Variants in CFAP47 observed in about 807,000 individuals in gnomAD.
CFAP47 encodes cilia and flagella associated protein 47.
CFAP47 carries 29 observed loss-of-function variants against 148.1 expected under a neutral mutation model. The observed-to-expected ratio is 0.20, with a 90% CI of 0.15 to 0.27. The LOEUF is 0.27. Among genes scored for constraint, CFAP47 ranks in the 10% least tolerant of loss-of-function variants. The pLI is 1.00. For synonymous variants in CFAP47, 664 were observed against 577.3 expected, an observed-to-expected ratio of 1.15 and a Z score of -2.15; for missense variants, 1,872 against 1,697.5, an observed-to-expected ratio of 1.10 and a Z score of -1.81.
At chrX:36,273,964 A>G (rs1208530628) in intron 49 of CFAP47, among the ~76,000 whole-genome samples, 1 of 111,954 alleles carries the variant, frequency 8.9e-6, no homozygotes, top group Non-Finnish European at 1.9e-5. Flanking sequence ...GCATACTTCT[A>G]AGATATATTG....
chrX:35,945,981 T>A (rs2146637296), intron 3 of CFAP47, among the ~76,000 whole-genome samples: 1 of 107,799 alleles, frequency 9.3e-6, no homozygotes, highest in African/African-American at 3.4e-5. Flanking sequence ...CAACCGATTT[T>A]CCTGCTTCAG....
At chrX:36,354,181 A>G (rs782788341) in intron 60 of CFAP47, among the ~76,000 whole-genome samples, 2 of 111,983 alleles carry the variant, frequency 1.8e-5, no homozygotes, top group South Asian at 7.4e-4. Context: ...AGATTTGTAT[A>G]TAAGAATTTA....
chrX:36,345,553 G>T (rs1465616246), intron 57 of CFAP47, among the ~76,000 whole-genome samples: 2 of 111,510 alleles, frequency 1.8e-5, no homozygotes, highest in Non-Finnish European at 3.8e-5. Context: ...TTCCTAACAG[G>T]CCACAGACTC....
intron 50 of CFAP47, among the ~76,000 whole-genome samples, chrX:36,282,474 A>G (rs1434025401): frequency 9.0e-6 from 1 of 111,549 alleles, no homozygotes; most frequent in Non-Finnish European, 1.9e-5. Flanking sequence ...AAGATAGATT[A>G]AAAGCTAGGA....
chrX:35,920,429 A>G (rs146302907), intron 1 of CFAP47, among the ~76,000 whole-genome samples: 1,688 of 111,385 alleles, frequency 0.015, 32 homozygotes, highest in African/African-American at 0.051. Context: ...GTGCCTGATA[A>G]CTCCAGGAAC....
At chrX:36,358,414 A>G (rs1182863296) in intron 60 of CFAP47, among the ~76,000 whole-genome samples, 4 of 111,977 alleles carry the variant, frequency 3.6e-5, no homozygotes, top group African/African-American at 6.5e-5. Context: ...GAGCCACCAC[A>G]TTCCTATGCA....
chrX:36,096,217 A>G (rs1938273376), intron 30 of CFAP47, among the ~76,000 whole-genome samples: 1 of 111,324 alleles, frequency 9.0e-6, no homozygotes. Context: ...GCTTGATATA[A>G]TTGAATGTTT....
rs748870204 is a variant in CFAP47, at chrX:35,993,288, C to T, written c.3066C>T (p.Pro1022=). 3.4e-6 allele frequency: 1 copy of T among 294,069 alleles called. No individual in the cohort carries two copies. Among genetic ancestry groups the T allele is most frequent in the South Asian group, 2.1e-4 (1 of 4,800 alleles). The allele number at this position is 294,069 out of a possible 1,213,427, so 24.2% of individuals were successfully genotyped here. The change falls in exon 18 of 64, where the codon CCC becomes CCT. Residue 1022 remains proline, a synonymous_variant. Coordinates refer to ENST00000378653, the MANE Select transcript of CFAP47 (RefSeq NM_001304548.2). ...GITVLNISCK[P]TVAEKFDTRA... ...CTGTTCTCAATATCTCCTGTAAACCCACTGTGGCAGAAAAGTTTGATACAA... is the reference window on the plus strand; with the variant it reads ...CTGTTCTCAATATCTCCTGTAAACCTACTGTGGCAGAAAAGTTTGATACAA...
At chrX:35,961,635 A>G (rs187956668) in intron 8 of CFAP47, among the ~76,000 whole-genome samples, 131 of 110,996 alleles carry the variant, frequency 1.2e-3, no homozygotes, top group Non-Finnish European at 2.1e-3. Context: ...ATAATCTTAT[A>G]CCCCTTTTTA....
intron 37 of CFAP47, among the ~76,000 whole-genome samples, chrX:36,150,675 A>G (rs896812789): frequency 9.0e-6 from 1 of 111,321 alleles, no homozygotes; most frequent in Admixed American, 9.6e-5. Context: ...CCCATTTTCA[A>G]CAGTGCCCTT....
chrX:36,062,215 A>T (rs1937599767), intron 26 of CFAP47, among the ~76,000 whole-genome samples: 1 of 111,712 alleles, frequency 9.0e-6, no homozygotes. Flanking sequence ...TTTAGTAAAG[A>T]TGATAAATAT....
At chrX:36,233,095 A>C (rs1940392470) in intron 46 of CFAP47, among the ~76,000 whole-genome samples, 1 of 111,703 alleles carries the variant, frequency 9.0e-6, no homozygotes, top group African/African-American at 3.3e-5. Flanking sequence ...TATTCTGTTG[A>C]TTTGGGGTGG....
At chrX:36,189,187 A>G (rs2146874405) in intron 41 of CFAP47, among the ~76,000 whole-genome samples, 1 of 111,373 alleles carries the variant, frequency 9.0e-6, no homozygotes, top group South Asian at 3.8e-4. Flanking sequence ...AAACAACACA[A>G]ATTAATAATA....
At chrX:36,327,335 T>A (rs1941525775) in intron 57 of CFAP47, among the ~76,000 whole-genome samples, 1 of 111,848 alleles carries the variant, frequency 8.9e-6, no homozygotes. Flanking sequence ...CAAAAGAAGA[T>A]GTAAAAGTAG....
intron 19 of CFAP47, 52 bp from the exon 20 acceptor site, chrX:36,000,231 C>T (rs1405585336): frequency 3.6e-6 from 1 of 276,085 alleles, no homozygotes; most frequent in Non-Finnish European, 6.3e-6. Context: ...TTTTAGTTTA[C>T]ATTTTCATAA....
intron 35 of CFAP47, among the ~76,000 whole-genome samples, chrX:36,143,230 C>T (rs1939174781): frequency 2.7e-5 from 3 of 111,895 alleles, no homozygotes; most frequent in South Asian, 3.7e-4. Flanking sequence ...CAGGCACCTT[C>T]GTTGGTAAGC....
At chrX:36,177,722 G>A (rs1226210200) in intron 39 of CFAP47, among the ~76,000 whole-genome samples, 53 of 112,097 alleles carry the variant, frequency 4.7e-4, no homozygotes, top group African/African-American at 1.7e-3. Flanking sequence ...TAAAACAATA[G>A]TACAGAATCT....
At chrX:36,371,621 AATATATGTGTATATACACACATATGTGT>A (rs1941938877) in intron 62 of CFAP47, among the ~76,000 whole-genome samples, 2 of 79,675 alleles carry the variant, frequency 2.5e-5, no homozygotes, top group Non-Finnish European at 4.9e-5. Context: ...ATATATGTGT[AATATATGTGTATATACACACATATGTGT>A]ATATATGTGT....
At chrX:36,006,111 A>C (rs1435151125) in intron 21 of CFAP47, among the ~76,000 whole-genome samples, 1 of 111,167 alleles carries the variant, frequency 9.0e-6, no homozygotes, top group Non-Finnish European at 1.9e-5. Context: ...AAAATCTATC[A>C]TGCAATTTAA....
Sources: allele counts gnomAD v4.1 joint callset (sites outside exome capture counted in the v4.1 genomes callset), GRCh38; gene constraint gnomAD v4.1.1; transcripts MANE v1.5; gene names NCBI Gene and HGNC (gene_info 2026-07-23, HGNC 2026-07-21).